The following RGS6 variants were observed in gnomAD, a reference collection of about 807,000 sequenced individuals.
RGS6 encodes the protein regulator of G-protein signaling 6.
RGS6 carries 30 observed loss-of-function variants against 78.5 expected under a neutral mutation model. The observed-to-expected ratio is 0.38, with a 90% CI of 0.29 to 0.52. The LOEUF (loss-of-function observed/expected upper bound fraction) is 0.52. Ranked by LOEUF, RGS6 falls within the 20% of genes least tolerant of loss-of-function variation. The probability of loss-of-function intolerance (pLI) is 0.85; values close to 1 mark genes in which losing one functional copy is unlikely to be tolerated. For missense variants in RGS6, 495 were observed against 609.7 expected, an observed-to-expected ratio of 0.81 and a Z score of 1.98; for synonymous variants, 206 against 206.0, an observed-to-expected ratio of 1.00 and a Z score of 0.00.
At chr14:72,336,740 A>C (rs1216740268) in intron 2 of RGS6, among the ~76,000 whole-genome samples, 1 of 152,078 alleles carries the variant, frequency 6.6e-6, no homozygotes, top group South Asian at 2.1e-4. Flanking sequence ...GTAACAGACA[A>C]TTATTAACTA....
rs17108479 is a variant in RGS6 at position 72,173,348 on chromosome 14, T to C, written c.85-178747T>C. 6.3e-3 allele frequency among the ~76,000 whole-genome samples: 963 copies of C among 152,222 alleles called. 30 individuals are homozygous for C. Among genetic ancestry groups the C allele is most frequent in the Admixed American group, 0.056 (854 of 15,292 alleles). ...AGAACCACACTCCCCAGGGGTTCAGTAGACTTTCCCGAGTGGGCATGGAAA... is the reference window on the plus strand; with the variant it reads ...AGAACCACACTCCCCAGGGGTTCAGCAGACTTTCCCGAGTGGGCATGGAAA... On this transcript the variant is annotated intron_variant, in intron 2 of 17. Coordinates refer to ENST00000553525, the MANE Select transcript of RGS6 (RefSeq NM_001204424.2).
At chr14:71,917,754 G>T in the RGS6 span, among the ~76,000 whole-genome samples, 1 of 152,288 alleles carries the variant, frequency 6.6e-6, no homozygotes, top group African/African-American at 2.4e-5. Context: ...GTCATCTTTC[G>T]GTAGTGTGTC....
At chr14:72,537,854 C>G (rs2097271035) in intron 16 of RGS6, 1 of 299,476 alleles carries the variant, frequency 3.3e-6, no homozygotes, top group African/African-American at 2.2e-5. Context: ...GCCATTGATT[C>G]TCCTTGTGGG....
chr14:72,034,590 T>G (rs1182921031), intron 2 of RGS6, among the ~76,000 whole-genome samples: 1 of 152,204 alleles, frequency 6.6e-6, no homozygotes, highest in Non-Finnish European at 1.5e-5. Context: ...GTTACGAATG[T>G]TTGCATCAGT....
the RGS6 span, among the ~76,000 whole-genome samples, chr14:72,583,035 G>A: frequency 6.6e-6 from 1 of 152,078 alleles, no homozygotes; most frequent in Admixed American, 6.6e-5. Flanking sequence ...CAGAGGAAGA[G>A]CAAATTCATT....
chr14:72,567,258 AGAGT>A (rs1357952461), downstream of RGS6, among the ~76,000 whole-genome samples: 1 of 152,192 alleles, frequency 6.6e-6, no homozygotes, highest in Non-Finnish European at 1.5e-5. Flanking sequence ...TCTGCCCCAC[AGAGT>A]TAAGATCAAG....
At chr14:72,356,303 C>T (rs1483707080) in intron 3 of RGS6, among the ~76,000 whole-genome samples, 1 of 152,142 alleles carries the variant, frequency 6.6e-6, no homozygotes, top group Admixed American at 6.5e-5. Flanking sequence ...AAAAGTGTGG[C>T]ACTTCCCCCT....
At chr14:72,291,396 A>G (rs2063552387) in intron 2 of RGS6, among the ~76,000 whole-genome samples, 1 of 152,074 alleles carries the variant, frequency 6.6e-6, no homozygotes, top group South Asian at 2.1e-4. Flanking sequence ...GGAAGACTAC[A>G]TTATTCTTTT....
At chr14:72,535,121 C>G (rs979689889) in intron 15 of RGS6, among the ~76,000 whole-genome samples, 1 of 152,214 alleles carries the variant, frequency 6.6e-6, no homozygotes, top group Non-Finnish European at 1.5e-5. Context: ...GATTTTCCAA[C>G]CCTTGATGAG....
intron 6 of RGS6, among the ~76,000 whole-genome samples, chr14:72,463,570 T>G (rs1544523): frequency 0.77 from 117,697 of 151,976 alleles, 46,632 homozygotes; most frequent in East Asian, 0.97. Context: ...TGACCCCGCT[T>G]ACCCATTTGG....
chr14:71,994,998 G>C (rs758706673), intron 2 of RGS6, among the ~76,000 whole-genome samples: 8 of 152,136 alleles, frequency 5.3e-5, no homozygotes, highest in Non-Finnish European at 7.4e-5. Flanking sequence ...ATGTGGAACT[G>C]GGGGCTGAGG....
the RGS6 span, among the ~76,000 whole-genome samples, chr14:71,875,199 G>T: frequency 2.1e-3 from 326 of 152,174 alleles, no homozygotes; most frequent in African/African-American, 7.1e-3. Flanking sequence ...CTATTGATTG[G>T]AATAGTTTCA....
chr14:72,022,552 G>C (rs953431717), intron 2 of RGS6: 2 of 152,172 alleles, frequency 1.3e-5, no homozygotes, highest in African/African-American at 4.8e-5. Context: ...TGCAGAGAAG[G>C]AAACAGACTT....
chr14:72,069,829 T>G (rs2094337265), intron 2 of RGS6, among the ~76,000 whole-genome samples: 1 of 152,210 alleles, frequency 6.6e-6, no homozygotes. Flanking sequence ...TGTGGGCCAC[T>G]GCGCCCAGCC....
chr14:71,896,956 G>C, the RGS6 span, among the ~76,000 whole-genome samples: 1 of 152,146 alleles, frequency 6.6e-6, no homozygotes, highest in African/African-American at 2.4e-5. Context: ...ACCTGTGTAG[G>C]GTTAGATTGG....
At chr14:72,357,887 C>T (rs1436045651) in intron 3 of RGS6, among the ~76,000 whole-genome samples, 1 of 152,212 alleles carries the variant, frequency 6.6e-6, no homozygotes, top group Admixed American at 6.5e-5. Flanking sequence ...ACCTTCAAGG[C>T]AGCACCTCCC....
At position 72,052,979 on chromosome 14, in the gene RGS6, TTCTTTCTCTCTCTCTC is replaced by T. The variant is rs1398107863; in HGVS notation, c.84+88108_84+88123del. Among the ~76,000 whole-genome samples the T allele has an allele frequency of 6.8e-3, 366 of 53,678 alleles. 2 individuals carry two copies. The highest frequency in any genetic ancestry group is 0.01 in the Non-Finnish European group (313 of 30,506). 35.2% of individuals were successfully genotyped at this position (53,678 alleles called of 152,430 possible). On this transcript the variant is annotated intron_variant, in intron 2 of 17. Coordinates refer to ENST00000553525, the MANE Select transcript of RGS6 (RefSeq NM_001204424.2). The stretch of plus-strand genomic sequence containing the variant: ...TTTCTTTCTTTCTTTCTTTCTTTCT[TTCTTTCTCTCTCTCTC>T]TCTCTCTCTCTTTCTTTCCTTCTTT...
intron 3 of RGS6, among the ~76,000 whole-genome samples, chr14:72,453,537 A>C (rs1454033562): frequency 7.6e-6 from 1 of 132,126 alleles, no homozygotes; most frequent in Non-Finnish European, 1.6e-5. Flanking sequence ...AATGGCGTGA[A>C]CCCGGGAGGC....
chr14:72,591,105 G>T, the RGS6 span, among the ~76,000 whole-genome samples: 135 of 152,198 alleles, frequency 8.9e-4, no homozygotes, highest in Non-Finnish European at 1.5e-3. Context: ...TCATTGTCTG[G>T]GAGAAAGTTT....
Sources: allele counts gnomAD v4.1 joint callset (sites outside exome capture counted in the v4.1 genomes callset), GRCh38; gene constraint gnomAD v4.1.1; transcripts MANE v1.5; gene names NCBI Gene and HGNC (gene_info 2026-07-23, HGNC 2026-07-21).